Variants in THSD7B observed in about 807,000 individuals in gnomAD.
THSD7B encodes thrombospondin type 1 domain containing 7B, also known as thrombospondin type-1 domain-containing protein 7B.
Under a neutral mutation model 213.6 loss-of-function variants are expected in THSD7B, and 138 were observed. That is an observed-to-expected ratio of 0.65 (90% CI 0.56 to 0.74). THSD7B has a LOEUF of 0.74. Ranked by LOEUF, THSD7B falls within the 30% of genes least tolerant of loss-of-function variation. THSD7B has a pLI of 0.00. For missense variants in THSD7B, 1,931 were observed against 1,991.5 expected, an observed-to-expected ratio of 0.97 and a Z score of 0.58; for synonymous variants, 742 against 687.0, an observed-to-expected ratio of 1.08 and a Z score of -1.25.
At chr2:136,868,636 A>T (rs1357839061) in intron 1 of THSD7B, among the ~76,000 whole-genome samples, 1 of 152,192 alleles carries the variant, frequency 6.6e-6, no homozygotes, top group Non-Finnish European at 1.5e-5. Flanking sequence ...GTATTTTTTT[A>T]ATCTCAAAGT....
chr2:137,198,002 T>G (rs1680799767), intron 7 of THSD7B, among the ~76,000 whole-genome samples: 1 of 152,130 alleles, frequency 6.6e-6, no homozygotes, highest in Admixed American at 6.6e-5. Context: ...GTGAGTTCAT[T>G]TTTTATTTTC....
Position 137,363,444 on chromosome 2 carries a change from C to G in THSD7B, c.2501-42169C>G, listed in dbSNP as rs180759092. ...AACCCTTCAAAAAAATCAATGAATC[C>G]AGGAGCTGGTTTTTTGAAAAGATCA... On this transcript the variant is annotated intron_variant, in intron 12 of 27. Transcript: ENST00000409968. 8.1e-3 allele frequency among the ~76,000 whole-genome samples: 1,227 copies of G among 152,122 alleles called. 6 individuals are homozygous for G. Among genetic ancestry groups the G allele is most frequent in the Non-Finnish European group, 0.011 (749 of 67,996 alleles).
intron 27 of THSD7B, 87 bp from the exon 28 acceptor site, chr2:137,676,437 A>AAATT: frequency 8.1e-7 from 1 of 1,238,346 alleles, no homozygotes; most frequent in Non-Finnish European, 1.1e-6. Flanking sequence ...TTTACCGCTT[A>AAATT]AATTTCTGTA....
intron 10 of THSD7B, among the ~76,000 whole-genome samples, chr2:137,270,902 T>C (rs796067201): frequency 3.9e-5 from 6 of 152,256 alleles, no homozygotes; most frequent in African/African-American, 1.4e-4. Flanking sequence ...GCATAGTATT[T>C]ATAGATTTGG....
At chr2:136,874,725 C>A (rs1009306168) in intron 1 of THSD7B, among the ~76,000 whole-genome samples, 4 of 152,110 alleles carry the variant, frequency 2.6e-5, no homozygotes, top group Non-Finnish European at 2.9e-5. Context: ...AAAGGAGAAA[C>A]TGTGTTTTTT....
chr2:137,644,982 C>G (rs1271128641), intron 21 of THSD7B, among the ~76,000 whole-genome samples: 5 of 152,262 alleles, frequency 3.3e-5, no homozygotes, highest in African/African-American at 1.2e-4. Flanking sequence ...GCTGCTAACA[C>G]ATATACACAC....
At chr2:137,587,747 CT>C (rs1276668986) in intron 17 of THSD7B, among the ~76,000 whole-genome samples, 2 of 152,242 alleles carry the variant, frequency 1.3e-5, no homozygotes, top group Non-Finnish European at 2.9e-5. Flanking sequence ...TCTGCCCCTA[CT>C]GGGCAGTTCC....
chr2:136,858,871 A>C (rs1264612358), intron 1 of THSD7B, among the ~76,000 whole-genome samples: 1 of 152,200 alleles, frequency 6.6e-6, no homozygotes, highest in Non-Finnish European at 1.5e-5. Context: ...ACAGATGTTC[A>C]TCAAGTTGCT....
intron 12 of THSD7B, among the ~76,000 whole-genome samples, chr2:137,359,461 G>C (rs1685205420): frequency 6.6e-6 from 1 of 152,182 alleles, no homozygotes; most frequent in Non-Finnish European, 1.5e-5. Flanking sequence ...ACCTTGGGGG[G>C]TGCTAGTGAA....
intron 15 of THSD7B, among the ~76,000 whole-genome samples, chr2:137,504,706 A>T (rs146405119): frequency 2.0e-5 from 3 of 152,284 alleles, no homozygotes; most frequent in African/African-American, 7.2e-5. Flanking sequence ...TACCTTCAGG[A>T]AAGAATATGC....
chr2:136,931,431 C>T (rs1385153570), intron 2 of THSD7B, among the ~76,000 whole-genome samples: 3 of 152,158 alleles, frequency 2.0e-5, no homozygotes, highest in African/African-American at 4.8e-5. Context: ...GTGCTCTTTT[C>T]TCTTCATGAG....
At chr2:137,648,582 T>C (rs1438872949) in intron 21 of THSD7B, among the ~76,000 whole-genome samples, 1 of 152,184 alleles carries the variant, frequency 6.6e-6, no homozygotes, top group African/African-American at 2.4e-5. Flanking sequence ...TGAGTAATAG[T>C]CCATTTGTAT....
chr2:136,820,688 G>A (rs1343972316), intron 1 of THSD7B, among the ~76,000 whole-genome samples: 2 of 152,148 alleles, frequency 1.3e-5, no homozygotes, highest in Admixed American at 1.3e-4. Context: ...AATATGGACT[G>A]TATATTAGAT....
chr2:137,003,166 C>T (rs115600560), intron 2 of THSD7B, among the ~76,000 whole-genome samples: 2,653 of 152,172 alleles, frequency 0.017, 36 homozygotes, highest in Middle Eastern at 0.02. Context: ...GTTATGTTCT[C>T]GTGCTGATGG....
intron 17 of THSD7B, among the ~76,000 whole-genome samples, chr2:137,600,115 G>T (rs906861333): frequency 6.6e-6 from 1 of 151,818 alleles, no homozygotes; most frequent in Non-Finnish European, 1.5e-5. Flanking sequence ...ATGCACACAC[G>T]CACACAGAGA....
chr2:137,309,760 G>GT (rs1445040536), intron 12 of THSD7B, among the ~76,000 whole-genome samples: 2 of 151,886 alleles, frequency 1.3e-5, no homozygotes, highest in Admixed American at 6.6e-5. Flanking sequence ...GCGGTGTTTG[G>GT]TTTTTTGTTC....
At chr2:137,335,401 G>C (rs1207521782) in intron 12 of THSD7B, among the ~76,000 whole-genome samples, 1 of 152,262 alleles carries the variant, frequency 6.6e-6, no homozygotes, top group Non-Finnish European at 1.5e-5. Flanking sequence ...TCCATGAAGG[G>C]TTGGTAAAAC....
At chr2:136,917,316 A>G (rs892439882) in intron 2 of THSD7B, among the ~76,000 whole-genome samples, 34 of 152,206 alleles carry the variant, frequency 2.2e-4, no homozygotes, top group African/African-American at 8.2e-4. Flanking sequence ...CTGTAGCAGT[A>G]TCTGTAGATA....
chr2:137,276,988 G>C (rs1440657484), intron 12 of THSD7B, among the ~76,000 whole-genome samples: 1 of 151,988 alleles, frequency 6.6e-6, no homozygotes, highest in African/African-American at 2.4e-5. Context: ...ACTTTCTTAA[G>C]ACATTTTACT....
Sources: gnomAD v4.1 joint callset for allele counts (sites outside exome capture counted in the v4.1 genomes callset) on GRCh38, gnomAD v4.1.1 for gene constraint, MANE v1.5 for transcripts, NCBI Gene and HGNC (gene_info 2026-07-23, HGNC 2026-07-21) for gene names.